EIF2S1: variants seen among roughly 807,000 people sequenced by gnomAD.
EIF2S1 encodes the protein eukaryotic translation initiation factor 2 subunit alpha.
In EIF2S1, 5 loss-of-function variants were observed where a neutral mutation model predicts 33.5. The observed-to-expected ratio is 0.15, with a 90% CI of 0.08 to 0.31. EIF2S1 has a LOEUF of 0.31. EIF2S1 is among the 10% of genes least tolerant of loss of function. EIF2S1 has a pLI of 1.00. For synonymous variants in EIF2S1, 99 were observed against 127.5 expected, an observed-to-expected ratio of 0.78 and a Z score of 1.51; for missense variants, 191 against 384.6, an observed-to-expected ratio of 0.50 and a Z score of 4.21.
intron 1 of EIF2S1, chr14:67,363,913 C>CT (rs2085757903): frequency 6.6e-6 from 1 of 152,146 alleles, no homozygotes; most frequent in South Asian, 2.1e-4. Flanking sequence ...TGAGAGCTTC[C>CT]TTTTTTAAAT....
intron 1 of EIF2S1, among the ~76,000 whole-genome samples, chr14:67,361,318 T>C (rs2085738474): frequency 6.6e-6 from 1 of 152,212 alleles, no homozygotes; most frequent in Non-Finnish European, 1.5e-5. Flanking sequence ...GTCAATAGTT[T>C]GGGGGTGACT....
At chr14:67,372,836 A>C (rs1278993051) in intron 2 of EIF2S1, among the ~76,000 whole-genome samples, 2 of 151,884 alleles carry the variant, frequency 1.3e-5, no homozygotes, top group African/African-American at 4.8e-5. Context: ...CAAAAAAAAA[A>C]ACAAAAAACA....
Position 67,374,457 on chromosome 14 carries a change from T to A in EIF2S1, c.242-11T>A. On this transcript the variant is annotated splice_polypyrimidine_tract_variant and intron_variant, in intron 2 of 7. Coordinates refer to ENST00000256383, the MANE Select transcript of EIF2S1 (RefSeq NM_004094.5). ...GGACAGAGATGATTTTTTCACAATT[T>A]TTTTGTACAGGATATATTGATTTGT... The A allele has an allele frequency of 6.4e-7, 1 of 1,567,182 alleles. No individual in the cohort carries two copies. Among genetic ancestry groups the A allele is most frequent in the Non-Finnish European group, 8.7e-7 (1 of 1,148,946 alleles).
chr14:67,382,805 A>G (rs567129957), intron 7 of EIF2S1: 55 of 548,260 alleles, frequency 1.0e-4, no homozygotes, highest in African/African-American at 9.2e-4. Flanking sequence ...TTGAATTTGC[A>G]TGTGGCATGT....
In EIF2S1 at chr14:67,368,004, A is replaced by G. The variant is rs113797185; in HGVS notation, c.241+2996A>G. ...TTGTGCCTGTGGGATTGTAATCTATAGAGGTGACTGAGTGATGACACAGTC... is the reference window on the plus strand; with the variant it reads ...TTGTGCCTGTGGGATTGTAATCTATGGAGGTGACTGAGTGATGACACAGTC... On this transcript the variant is annotated intron_variant, in intron 2 of 7. Coordinates refer to ENST00000256383, the MANE Select transcript of EIF2S1 (RefSeq NM_004094.5). Among the ~76,000 whole-genome samples, 225 of 152,316 alleles carry G rather than the reference A, an allele frequency of 1.5e-3. 1 individual carries two copies. The highest frequency in any genetic ancestry group is 5.2e-3 in the African/African-American group (216 of 41,556).
At chr14:67,371,016 C>T (rs1262655074) in intron 2 of EIF2S1, among the ~76,000 whole-genome samples, 1 of 151,846 alleles carries the variant, frequency 6.6e-6, no homozygotes, top group Non-Finnish European at 1.5e-5. Context: ...GTGACTAAGA[C>T]CCTGTCTCAA....
In EIF2S1 at chr14:67,383,202, CAG is replaced by C. The variant is rs1404755023; in HGVS notation, c.823-110_823-109del. 1.4e-5 allele frequency: 16 copies of C among 1,183,928 alleles called. No individual in the cohort carries two copies. The East Asian group carries it at 3.5e-4, about 26-fold the overall frequency. The allele number at this position is 1,183,928 out of a possible 1,614,324, so 73.3% of individuals were successfully genotyped here. Reference sequence around the variant, plus strand: ...GTCACTCAAAAGTGAACAGATATGACAGAGTTGTTAGAAAAGTGTTAAAGAGA... The same window carrying C: ...GTCACTCAAAAGTGAACAGATATGACAGTTGTTAGAAAAGTGTTAAAGAGA... On this transcript the variant is annotated intron_variant, in intron 7 of 7. Coordinates refer to ENST00000256383, the MANE Select transcript of EIF2S1 (RefSeq NM_004094.5).
At chr14:67,373,888 A>T (rs556610652) in intron 2 of EIF2S1, among the ~76,000 whole-genome samples, 93 of 148,830 alleles carry the variant, frequency 6.2e-4, no homozygotes, top group Non-Finnish European at 1.0e-3. Context: ...CTGTGACGAT[A>T]GCCTCTTTCC....
At position 67,384,215 on chromosome 14, in the gene EIF2S1, T is replaced by C. The variant is rs560694669; in HGVS notation, c.*775T>C. ...GTTTATAATTCAGGGTGGTAAAGTA[T>C]GTTTTTAAATTTTAAAAAGCAGCTG... is the stretch of plus-strand genomic sequence containing the variant. On this transcript the variant is annotated 3_prime_UTR_variant, in exon 8 of 8. Coordinates refer to ENST00000256383, the MANE Select transcript of EIF2S1 (RefSeq NM_004094.5). 3.9e-5 allele frequency: 6 copies of C among 152,204 alleles called. No homozygotes were observed. Among genetic ancestry groups the C allele is most frequent in the African/African-American group, 1.2e-4 (5 of 41,444 alleles). 9.4% of individuals were successfully genotyped at this position (152,204 alleles called of 1,614,324 possible).
intron 1 of EIF2S1, among the ~76,000 whole-genome samples, chr14:67,360,936 C>CG (rs995367500): frequency 2.0e-5 from 3 of 152,140 alleles, no homozygotes; most frequent in African/African-American, 7.2e-5. Context: ...ACCTGTGGGA[C>CG]GGGCACCGTG....
chr14:67,367,361 GC>G (rs2085787023), intron 2 of EIF2S1, among the ~76,000 whole-genome samples: 1 of 152,184 alleles, frequency 6.6e-6, no homozygotes, highest in Non-Finnish European at 1.5e-5. Context: ...CTCCAGAGTA[GC>G]TGGGATTACA....
At chr14:67,374,880 A>G (rs1048140454) in intron 3 of EIF2S1, among the ~76,000 whole-genome samples, 1 of 152,226 alleles carries the variant, frequency 6.6e-6, no homozygotes, top group Non-Finnish European at 1.5e-5. Context: ...CTGGGATTAC[A>G]GAAGTGAGCC....
chr14:67,376,065 C>T (rs757455714), intron 3 of EIF2S1, among the ~76,000 whole-genome samples: 19 of 152,094 alleles, frequency 1.2e-4, no homozygotes, highest in African/African-American at 3.4e-4. Flanking sequence ...TTTTTTTTAT[C>T]GTGATTCTCT....
intron 1 of EIF2S1, among the ~76,000 whole-genome samples, chr14:67,362,056 C>G (rs1397799252): frequency 1.4e-5 from 2 of 138,774 alleles, no homozygotes; most frequent in Admixed American, 7.7e-5. Flanking sequence ...GACAGAGTCT[C>G]TGTTGCCCAG....
At chr14:67,379,717 G>T (rs1482851233) in intron 4 of EIF2S1, among the ~76,000 whole-genome samples, 11 of 132,876 alleles carry the variant, frequency 8.3e-5, no homozygotes, top group South Asian at 2.7e-4. Flanking sequence ...TGCAGTGGCG[G>T]GATCTCGGCT....
intron 2 of EIF2S1, among the ~76,000 whole-genome samples, chr14:67,367,358 G>C (rs922156810): frequency 3.9e-5 from 6 of 152,188 alleles, no homozygotes; most frequent in African/African-American, 9.6e-5. Context: ...AGCCTCCAGA[G>C]TAGCTGGGAT....
In EIF2S1 at chr14:67,385,636, T is replaced by G. The variant is rs994806059; in HGVS notation, c.*2196T>G. The G allele has an allele frequency of 6.6e-6, 1 of 150,620 alleles. No homozygotes were observed. Among genetic ancestry groups the G allele is most frequent in the Non-Finnish European group, 1.5e-5 (1 of 67,794 alleles). The allele number at this position is 150,620 out of a possible 1,614,324, so 9.3% of individuals were successfully genotyped here. On this transcript the variant is annotated 3_prime_UTR_variant, in exon 8 of 8. Coordinates refer to ENST00000256383, the MANE Select transcript of EIF2S1 (RefSeq NM_004094.5). ...AATCAGTAATGGCCAGGAAGAAATA[T>G]GAATATTCAAACCACTTTTTTCTTT...
intron 1 of EIF2S1, 118 bp from the exon 2 acceptor site, chr14:67,364,647 CTA>C: frequency 9.8e-7 from 1 of 1,023,084 alleles, no homozygotes; most frequent in Non-Finnish European, 1.4e-6. Context: ...GATGAGAAGA[CTA>C]AGACTAATAA....
At chr14:67,375,744 G>A (rs548221175) in intron 3 of EIF2S1, among the ~76,000 whole-genome samples, 1 of 152,070 alleles carries the variant, frequency 6.6e-6, no homozygotes, top group Admixed American at 6.5e-5. Flanking sequence ...TTAGAATGTA[G>A]TCTCTAAACT....
Sources: allele counts gnomAD v4.1 joint callset (sites outside exome capture counted in the v4.1 genomes callset), GRCh38; gene constraint gnomAD v4.1.1; transcripts MANE v1.5; gene names NCBI Gene and HGNC (gene_info 2026-07-23, HGNC 2026-07-21).